Variants in MXRA7 observed in about 807,000 individuals in gnomAD.
MXRA7 encodes the protein matrix remodeling associated 7.
Under a neutral mutation model 17.4 loss-of-function variants are expected in MXRA7, and 18 were observed. The observed-to-expected ratio is 1.03, with a 90% confidence interval of 0.71 to 1.53. The LOEUF is 1.53. Among genes scored for constraint, MXRA7 ranks in the 40% most tolerant of loss-of-function variants. The pLI is 0.00. For synonymous variants in MXRA7, 70 were observed against 101.7 expected (o/e 0.69, Z 1.87); for missense variants, 141 against 209.3 (o/e 0.67, Z 2.01).
intron 3 of MXRA7, chr17:76,684,598 C>A (rs936628501): frequency 5.3e-6 from 2 of 377,340 alleles, no homozygotes; most frequent in Non-Finnish European, 1.0e-5. Flanking sequence ...CTGCACTGCC[C>A]GGAGCTACAA....
At chr17:76,673,995 C>CATGTAGG (rs956137060) in exon 4 of MXRA7, 2 of 152,300 alleles carry the variant, frequency 1.3e-5, no homozygotes, top group Non-Finnish European at 2.9e-5. Context: ...CTATTTGTGT[C>CATGTAGG]ATGTAGGCAG....
intron 1 of MXRA7, among the ~76,000 whole-genome samples, chr17:76,705,438 T>G (rs1016843919): frequency 6.6e-6 from 1 of 152,264 alleles, no homozygotes; most frequent in Admixed American, 6.5e-5. Flanking sequence ...ACTAATTTGC[T>G]AATGAATCCA....
intron 3 of MXRA7, 81 bp downstream of exon 3, chr17:76,684,991 G>T: frequency 8.5e-7 from 1 of 1,172,322 alleles, no homozygotes; most frequent in Non-Finnish European, 1.3e-6. Context: ...TTCTGCCAAG[G>T]GGCAGGAACA....
intron 2 of MXRA7, 42 bp downstream of exon 2, chr17:76,688,071 G>C: frequency 1.4e-6 from 2 of 1,417,060 alleles, no homozygotes; most frequent in Non-Finnish European, 9.4e-7. Flanking sequence ...GACCACCCCC[G>C]ACACTGTCAG....
downstream of MXRA7, chr17:76,675,166 CA>C (rs1244602500): frequency 1.3e-5 from 2 of 152,250 alleles, no homozygotes; most frequent in Non-Finnish European, 2.9e-5. Flanking sequence ...TTCCCAATGC[CA>C]TCAGGATTTT....
intron 1 of MXRA7, among the ~76,000 whole-genome samples, chr17:76,697,678 G>C (rs547744849): frequency 6.9e-4 from 105 of 152,296 alleles, no homozygotes; most frequent in Non-Finnish European, 8.4e-4. Context: ...GAGGGGGAAG[G>C]CAAACGGGAC....
Position 76,685,168 on chromosome 17 carries a change from G to A in MXRA7, c.407-3C>T. 2 of 1,611,186 alleles carry A rather than the reference G, an allele frequency of 1.2e-6. No homozygotes were observed. The highest frequency in any genetic ancestry group is 1.1e-5 in the South Asian group (1 of 91,012). On this transcript the variant is annotated splice_polypyrimidine_tract_variant and splice_region_variant and intron_variant, in intron 2 of 3. Transcript: ENST00000449428. ...GTATTTGAAGGAGAAGCCTTCTCCT[G>A]TGGAGGGGGGACCCAGTAAGTGCCA... is the stretch of plus-strand genomic sequence containing the variant.
intron 1 of MXRA7, among the ~76,000 whole-genome samples, chr17:76,697,060 C>T (rs112481651): frequency 1.6e-4 from 24 of 152,296 alleles, no homozygotes; most frequent in African/African-American, 4.8e-4. Flanking sequence ...CTGTGTTCCA[C>T]GCCCCAATTC....
At position 76,688,173 on chromosome 17, in the gene MXRA7, C is replaced by T; in HGVS notation, c.346G>A (p.Glu116Lys). The change falls in exon 2 of 4, where the codon GAG becomes AAG. Residue 116 changes from glutamate to lysine, a missense_variant. Coordinates refer to ENST00000449428, the MANE Select transcript of MXRA7 (RefSeq NM_198530.4). ...EEQAVEARQE[E>K]EQDLDGEKGP... ...TTCTCACCATCCAAGTCCTGCTCCTCTTCCTGCAAGACAAGGACAGGGTCA... is the reference window on the plus strand; with the variant it reads ...TTCTCACCATCCAAGTCCTGCTCCTTTTCCTGCAAGACAAGGACAGGGTCA... 1 of 1,614,190 alleles carries T rather than the reference C, an allele frequency of 6.2e-7. No individual in the cohort carries two copies. The highest frequency in any genetic ancestry group is 2.2e-5 in the East Asian group (1 of 44,882).
exon 4 of MXRA7, chr17:76,673,206 G>C (rs1202021192): frequency 1.3e-5 from 2 of 152,270 alleles, no homozygotes; most frequent in African/African-American, 2.4e-5. Context: ...TCTTGGGCAA[G>C]GCAGCTGCTG....
downstream of MXRA7, chr17:76,675,970 G>A (rs2076237661): frequency 3.9e-5 from 6 of 152,096 alleles, no homozygotes; most frequent in Admixed American, 3.3e-4. Context: ...ATATTTCTAA[G>A]AACTTGCATA....
intron 3 of MXRA7, chr17:76,683,859 C>A (rs183901071): frequency 6.2e-6 from 10 of 1,613,652 alleles, no homozygotes; most frequent in Non-Finnish European, 8.5e-6. Flanking sequence ...AAAGGATTTG[C>A]AAGAATATTT....
chr17:76,684,020 G>C lies in MXRA7; in HGVS notation c.500+1052C>G, dbSNP rs2076350392. The C allele has an allele frequency of 2.1e-5, 22 of 1,024,250 alleles. 2 individuals carry two copies. The South Asian group carries it at 2.5e-4, about 12-fold the overall frequency. The allele number at this position is 1,024,250 out of a possible 1,614,324, so 63.4% of individuals were successfully genotyped here. A position where few individuals can be genotyped will look rare whatever the true frequency, so the allele number is the denominator to read the frequency against. On this transcript the variant is annotated intron_variant, in intron 3 of 3. Coordinates refer to ENST00000449428, the MANE Select transcript of MXRA7 (RefSeq NM_198530.4). The stretch of plus-strand genomic sequence containing the variant: ...GCTCCTGCCAGGGCTCTTCCTCCTG[G>C]CTGTGCTTACACTGCCCGCCCCCCA...
chr17:76,687,995 A>G lies in MXRA7; in HGVS notation c.406+118T>C, dbSNP rs764761796. On this transcript the variant is annotated intron_variant, in intron 2 of 3. Coordinates refer to ENST00000449428, the MANE Select transcript of MXRA7 (RefSeq NM_198530.4). ...CTACCTCTCATGCCCCACTCAGGCC[A>G]CTGTCCCACCCCATCCCTCCCCTCG... 2.7e-4 allele frequency: 259 copies of G among 968,276 alleles called. 1 individual carries two copies. The highest frequency in any genetic ancestry group is 4.1e-4 in the South Asian group (27 of 65,236). The allele number at this position is 968,276 out of a possible 1,614,324, so 60.0% of individuals were successfully genotyped here.
chr17:76,684,046 C>T, intron 3 of MXRA7: 1 of 821,356 alleles, frequency 1.2e-6, no homozygotes, highest in Non-Finnish European at 2.1e-6. Context: ...CCGCCCCCCA[C>T]CCACCCAGGG....
At position 76,679,573 on chromosome 17, in the gene MXRA7, G is replaced by GATC. The variant is rs2143562686; in HGVS notation, c.*1291_*1293dup. ...AACTGAAAAAACACACAGTAATTGA[G>GATC]ATCATCTACTCAAAGTTTATTGGAC... On this transcript the variant is annotated 3_prime_UTR_variant, in exon 4 of 4. Transcript: ENST00000449428. 1 of 974,494 alleles carries GATC rather than the reference G, an allele frequency of 1.0e-6. No individual in the cohort carries two copies. Among genetic ancestry groups the GATC allele is most frequent in the South Asian group, 4.8e-5 (1 of 20,974 alleles). 60.4% of individuals were successfully genotyped at this position (974,494 alleles called of 1,614,324 possible). A position where few individuals can be genotyped will look rare whatever the true frequency, so the allele number is the denominator to read the frequency against.
chr17:76,702,670 C>A (rs551261375), intron 1 of MXRA7, among the ~76,000 whole-genome samples: 1 of 151,534 alleles, frequency 6.6e-6, no homozygotes, highest in South Asian at 2.1e-4. Flanking sequence ...GCCTGTAACA[C>A]GCGAAACTTC....
At chr17:76,702,894 G>GTATATATATATAC (rs1179014000) in intron 1 of MXRA7, among the ~76,000 whole-genome samples, 1 of 54,402 alleles carries the variant, frequency 1.8e-5, no homozygotes, top group African/African-American at 6.1e-5. Flanking sequence ...TATATATCTT[G>GTATATATATATAC]AGGAGGCCTC....
chr17:76,707,571 T>G (rs1274754391), intron 1 of MXRA7, among the ~76,000 whole-genome samples: 2 of 152,192 alleles, frequency 1.3e-5, no homozygotes, highest in African/African-American at 4.8e-5. Flanking sequence ...CCCAAAGTGC[T>G]GGGATTACAG....
Sources: allele counts gnomAD v4.1 joint callset (sites outside exome capture counted in the v4.1 genomes callset), GRCh38; gene constraint gnomAD v4.1.1; transcripts MANE v1.5; gene names NCBI Gene and HGNC (gene_info 2026-07-23, HGNC 2026-07-21).